The following FGD4 variants were observed in gnomAD, a reference collection of about 807,000 sequenced individuals.
The protein encoded by FGD4 is FYVE, RhoGEF and PH domain-containing protein 4.
In FGD4, 42 loss-of-function variants were observed where a neutral mutation model predicts 102.0. The ratio of observed to expected loss-of-function variants is 0.41; its 90% CI spans 0.32 to 0.53. The LOEUF (loss-of-function observed/expected upper bound fraction) is 0.53. Ranked by LOEUF, FGD4 falls within the 20% of genes least tolerant of loss-of-function variation. The probability of loss-of-function intolerance (pLI) is 0.21; values close to 1 mark genes in which losing one functional copy is unlikely to be tolerated. For missense variants in FGD4, 902 were observed against 1,078.2 expected (o/e 0.84, Z 2.29); for synonymous variants, 380 against 375.7 (o/e 1.01, Z -0.13).
At chr12:32,561,977 G>C (rs144707588) in intron 1 of FGD4, among the ~76,000 whole-genome samples, 30 of 152,272 alleles carry the variant, frequency 2.0e-4, no homozygotes, top group African/African-American at 5.8e-4. Flanking sequence ...TGGAGTCTGA[G>C]TAAGCTAGTG....
chr12:32,582,711 G>A (rs1218211352), intron 4 of FGD4: 8 of 539,050 alleles, frequency 1.5e-5, no homozygotes, highest in Non-Finnish European at 2.6e-5. Flanking sequence ...AGAACAGTGT[G>A]GAAACTTTAA....
At chr12:32,485,828 T>C in intron 1 of FGD4, 1 of 1,179,826 alleles carries the variant, frequency 8.5e-7, no homozygotes, top group Non-Finnish European at 1.0e-6. Flanking sequence ...TCATACTTCC[T>C]AGTCCACCCC....
At chr12:32,570,284 A>T (rs1241757956) in intron 2 of FGD4, among the ~76,000 whole-genome samples, 3 of 151,128 alleles carry the variant, frequency 2.0e-5, no homozygotes, top group African/African-American at 4.9e-5. Context: ...ATTCTAGTCA[A>T]TCTGATTTGA....
chr12:32,618,456 CT>C (rs1167265068), intron 10 of FGD4, among the ~76,000 whole-genome samples: 1 of 151,786 alleles, frequency 6.6e-6, no homozygotes, highest in Non-Finnish European at 1.5e-5. Context: ...CCTTTTGGAG[CT>C]TTTTTTCACG....
At chr12:32,400,445 CTG>C (rs1367987487) in intron 1 of FGD4, among the ~76,000 whole-genome samples, 2 of 152,172 alleles carry the variant, frequency 1.3e-5, no homozygotes, top group East Asian at 1.9e-4. Flanking sequence ...CCCAGGCTGA[CTG>C]TGAAAAGCGG....
chr12:32,571,569 C>T (rs1055596453), intron 2 of FGD4, among the ~76,000 whole-genome samples: 1 of 152,094 alleles, frequency 6.6e-6, no homozygotes, highest in African/African-American at 2.4e-5. Flanking sequence ...ACTCAAAAGT[C>T]TAGGGAGGCA....
At chr12:32,491,468 GACATGGTA>G (rs2136579481) in intron 1 of FGD4, among the ~76,000 whole-genome samples, 1 of 152,310 alleles carries the variant, frequency 6.6e-6, no homozygotes, top group East Asian at 1.9e-4. Context: ...TTGATTGTAT[GACATGGTA>G]CCAGGTACAG....
At chr12:32,418,619 C>T (rs1386824372) in intron 1 of FGD4, among the ~76,000 whole-genome samples, 2 of 152,154 alleles carry the variant, frequency 1.3e-5, no homozygotes, top group East Asian at 1.9e-4. Flanking sequence ...GTGTCACCAG[C>T]ACACCGTGGC....
At chr12:32,559,309 C>T (rs1418942768) in intron 1 of FGD4, among the ~76,000 whole-genome samples, 1 of 152,160 alleles carries the variant, frequency 6.6e-6, no homozygotes, top group Non-Finnish European at 1.5e-5. Context: ...ACTTCTTTTA[C>T]CATGATTTGT....
rs11052120 is a variant in FGD4, at chr12:32,637,042, T to C, written c.2314-1613T>C. 6.4e-3 allele frequency among the ~76,000 whole-genome samples: 649 copies of C among 100,688 alleles called. 6 individuals are homozygous for C. The highest frequency in any genetic ancestry group is 0.026 in the African/African-American group (606 of 23,114). 66.1% of individuals were successfully genotyped at this position (100,688 alleles called of 152,430 possible). A position where few individuals can be genotyped will look rare whatever the true frequency, so the allele number is the denominator to read the frequency against. ...TGTGCCACCACACCTGGCTAATTTT[T>C]TTCTTCTTTTTTTTTTTTTTTTTTT... is the stretch of plus-strand genomic sequence containing the variant. On this transcript the variant is annotated intron_variant, in intron 15 of 16. Coordinates refer to ENST00000534526, the MANE Select transcript of FGD4 (RefSeq NM_001370298.3).
intron 4 of FGD4, among the ~76,000 whole-genome samples, chr12:32,596,091 T>C (rs1178659448): frequency 7.0e-6 from 1 of 143,466 alleles, no homozygotes; most frequent in African/African-American, 3.0e-5. Flanking sequence ...TGGTCTACTT[T>C]GCTTTTAGAG....
intron 1 of FGD4, among the ~76,000 whole-genome samples, chr12:32,403,846 C>T (rs143941753): frequency 0.011 from 1,698 of 152,152 alleles, 24 homozygotes; most frequent in African/African-American, 0.035. Context: ...CCGCCCGCCT[C>T]GGCCTCCCAA....
intron 1 of FGD4, among the ~76,000 whole-genome samples, chr12:32,520,335 A>AT (rs1194549894): frequency 6.6e-6 from 1 of 151,998 alleles, no homozygotes; most frequent in African/African-American, 2.4e-5. Context: ...ACCTTAAAAG[A>AT]TTTTTTAAAA....
At chr12:32,530,986 T>C (rs1941755242) in intron 1 of FGD4, among the ~76,000 whole-genome samples, 1 of 129,932 alleles carries the variant, frequency 7.7e-6, no homozygotes, top group Non-Finnish European at 1.6e-5. Flanking sequence ...AGAGCCTTGC[T>C]CTGTCGCCAG....
chr12:32,516,108 TG>T (rs949267858), intron 1 of FGD4, among the ~76,000 whole-genome samples: 1 of 150,882 alleles, frequency 6.6e-6, no homozygotes, highest in African/African-American at 2.4e-5. Context: ...CAACAACAAT[TG>T]GGGGGTGGGG....
At chr12:32,519,119 GAAAAAA>G (rs751377618) in intron 1 of FGD4, among the ~76,000 whole-genome samples, 27 of 73,428 alleles carry the variant, frequency 3.7e-4, no homozygotes, top group African/African-American at 1.1e-3. Flanking sequence ...TCCGTCTCAG[GAAAAAA>G]AAAAAAAAAA....
rs1174570633 is a variant in FGD4 at position 32,634,424 on chromosome 12, A to G, written c.2313+735A>G. 2.0e-5 allele frequency among the ~76,000 whole-genome samples: 3 copies of G among 152,298 alleles called. 1 individual carries two copies. The East Asian group carries it at 5.8e-4, about 29-fold the overall frequency. The stretch of plus-strand genomic sequence containing the variant: ...TTTAATTGCCAGTGATGGTAATCTG[A>G]TAACTACATTAAATATTATTGAAAT... On this transcript the variant is annotated intron_variant, in intron 15 of 16. Transcript: ENST00000534526.
At chr12:32,407,210 C>T (rs563454604) in intron 1 of FGD4, among the ~76,000 whole-genome samples, 1 of 151,250 alleles carries the variant, frequency 6.6e-6, no homozygotes, top group South Asian at 2.1e-4. Flanking sequence ...ACTGCAACCT[C>T]CCCCTCCCGG....
intron 1 of FGD4, among the ~76,000 whole-genome samples, chr12:32,452,925 G>A (rs1295851304): frequency 6.6e-6 from 1 of 151,690 alleles, no homozygotes; most frequent in Non-Finnish European, 1.5e-5. Context: ...CAGGTCGAGG[G>A]TGCAATGAGC....
Sources: allele counts gnomAD v4.1 joint callset (sites outside exome capture counted in the v4.1 genomes callset), GRCh38; gene constraint gnomAD v4.1.1; transcripts MANE v1.5; gene names NCBI Gene and HGNC (gene_info 2026-07-23, HGNC 2026-07-21).